FSTL5: variants seen among roughly 807,000 people sequenced by gnomAD.
FSTL5 encodes the protein follistatin like 5.
A neutral mutation model predicts 89.1 loss-of-function variants in FSTL5; 62 were observed. The ratio of observed to expected loss-of-function variants is 0.70; its 90% CI spans 0.57 to 0.86. The LOEUF (loss-of-function observed/expected upper bound fraction) is 0.86, where lower values mean the gene tolerates loss of function less well. Among genes scored for constraint, FSTL5 ranks in the 40% least tolerant of loss-of-function variants. FSTL5 has a pLI of 0.00. For missense variants in FSTL5, 1,057 were observed against 1,001.6 expected (o/e 1.06, Z -0.75); for synonymous variants, 383 against 346.2 (o/e 1.11, Z -1.18).
At chr4:161,410,154 A>G (rs1019358583) in intron 15 of FSTL5, among the ~76,000 whole-genome samples, 5 of 152,222 alleles carry the variant, frequency 3.3e-5, no homozygotes, top group Admixed American at 6.5e-5. Flanking sequence ...CATAATGATA[A>G]AAGGTACAAT....
intron 8 of FSTL5, among the ~76,000 whole-genome samples, chr4:161,584,457 C>T (rs1733539526): frequency 2.0e-5 from 3 of 152,124 alleles, no homozygotes. Context: ...AAATTATCTG[C>T]TTTTAATCTT....
At chr4:162,034,105 A>G (rs6855239) in intron 2 of FSTL5, among the ~76,000 whole-genome samples, 151,854 of 152,192 alleles carry the variant, frequency 1, 75,758 homozygotes, top group Non-Finnish European at 1. Context: ...CCTGCCTTAT[A>G]TAAAGTATTT....
chr4:162,053,437 G>A (rs898707906), intron 2 of FSTL5, among the ~76,000 whole-genome samples: 6 of 151,708 alleles, frequency 4.0e-5, no homozygotes, highest in African/African-American at 1.4e-4. Flanking sequence ...CTAGACTCAT[G>A]CCTCACAAAA....
intron 4 of FSTL5, among the ~76,000 whole-genome samples, chr4:161,893,373 A>G (rs1356916957): frequency 6.6e-6 from 1 of 152,132 alleles, no homozygotes; most frequent in African/African-American, 2.4e-5. Context: ...CACTAGAAAG[A>G]TTGTTTTCAA....
intron 2 of FSTL5, among the ~76,000 whole-genome samples, chr4:162,109,374 C>T (rs956743840): frequency 6.6e-6 from 1 of 152,040 alleles, no homozygotes; most frequent in Non-Finnish European, 1.5e-5. Context: ...CAGACACACA[C>T]ACATTCACCA....
At chr4:162,054,818 C>T (rs927805774) in intron 2 of FSTL5, among the ~76,000 whole-genome samples, 1 of 151,764 alleles carries the variant, frequency 6.6e-6, no homozygotes, top group African/African-American at 2.4e-5. Flanking sequence ...ATACAGTGTA[C>T]CTGTATCCCA....
At chr4:161,696,487 G>A (rs1216449779) in intron 6 of FSTL5, among the ~76,000 whole-genome samples, 1 of 151,918 alleles carries the variant, frequency 6.6e-6, no homozygotes, top group African/African-American at 2.4e-5. Flanking sequence ...TTTCTGTGAA[G>A]AATAATGGGG....
chr4:162,086,844 T>C (rs938572097), intron 2 of FSTL5, among the ~76,000 whole-genome samples: 1 of 152,054 alleles, frequency 6.6e-6, no homozygotes, highest in Admixed American at 6.6e-5. Flanking sequence ...TAATGTTCAA[T>C]AGTTAAGGAA....
At chr4:161,684,675 G>C (rs953007795) in intron 6 of FSTL5, among the ~76,000 whole-genome samples, 19 of 151,946 alleles carry the variant, frequency 1.3e-4, no homozygotes, top group African/African-American at 4.1e-4. Flanking sequence ...GTCCTTTGTA[G>C]GATGCACAGT....
At chr4:161,605,381 T>C (rs10049502) in intron 7 of FSTL5, among the ~76,000 whole-genome samples, 203 of 152,340 alleles carry the variant, frequency 1.3e-3, no homozygotes, top group African/African-American at 4.4e-3. Context: ...CATATAATTT[T>C]ATTTCTAGGC....
chr4:162,047,373 G>A (rs1464232488), intron 2 of FSTL5: 1 of 151,836 alleles, frequency 6.6e-6, no homozygotes, highest in Non-Finnish European at 1.5e-5. Context: ...CTCTTTTAAG[G>A]TGCCCAAAAA....
chr4:161,755,464 A>C (rs1284510731), intron 6 of FSTL5, among the ~76,000 whole-genome samples: 3 of 152,058 alleles, frequency 2.0e-5, no homozygotes, highest in Non-Finnish European at 4.4e-5. Flanking sequence ...GGCAGAGAGA[A>C]AGAACCTGGA....
rs1054454485 is a variant in FSTL5, at chr4:162,131,042, A to T, written c.-16-19630T>A. Among the ~76,000 whole-genome samples the T allele has an allele frequency of 3.3e-5, 5 of 152,206 alleles. No homozygotes were observed. The South Asian group carries it at 1.0e-3, about 31-fold the overall frequency. On this transcript the variant is annotated intron_variant, in intron 1 of 15. Coordinates refer to ENST00000306100, the MANE Select transcript of FSTL5 (RefSeq NM_020116.5). Reference sequence around the variant, plus strand: ...CCAAATACTTATAGCCTATATAAACATGTCATTTGAATTAGAACACAAATT... The same window carrying T: ...CCAAATACTTATAGCCTATATAAACTTGTCATTTGAATTAGAACACAAATT...
intron 8 of FSTL5, among the ~76,000 whole-genome samples, chr4:161,566,099 A>AATATATATATATATATAT (rs1560956518): frequency 4.1e-5 from 1 of 24,652 alleles, no homozygotes; most frequent in African/African-American, 1.3e-4. Flanking sequence ...TTTTTTTTGG[A>AATATATATATATATATAT]CTATATATAT....
intron 3 of FSTL5, among the ~76,000 whole-genome samples, chr4:161,969,633 C>T (rs1735425604): frequency 6.6e-6 from 1 of 151,986 alleles, no homozygotes; most frequent in African/African-American, 2.4e-5. Flanking sequence ...TCCTGTATTC[C>T]ACTGGATATG....
chr4:161,767,600 T>G (rs905870205), intron 5 of FSTL5, among the ~76,000 whole-genome samples: 1 of 152,108 alleles, frequency 6.6e-6, no homozygotes, highest in African/African-American at 2.4e-5. Flanking sequence ...AAGATCTAGA[T>G]AACAAAGATG....
At chr4:162,078,242 G>A (rs1032701739) in intron 2 of FSTL5, among the ~76,000 whole-genome samples, 11 of 151,676 alleles carry the variant, frequency 7.3e-5, no homozygotes, top group East Asian at 1.9e-4. Context: ...ATCAAGTGCC[G>A]CATGTACTGC....
chr4:161,446,938 C>A (rs760066192), intron 15 of FSTL5, among the ~76,000 whole-genome samples: 9 of 151,900 alleles, frequency 5.9e-5, no homozygotes, highest in Non-Finnish European at 1.2e-4. Flanking sequence ...AACCCAGAAT[C>A]ATATGTAAGA....
intron 6 of FSTL5, among the ~76,000 whole-genome samples, chr4:161,688,457 A>C (rs1181234771): frequency 3.3e-5 from 5 of 152,202 alleles, no homozygotes; most frequent in Admixed American, 1.3e-4. Flanking sequence ...AAGGCTTGGC[A>C]TTAGTAGCTA....
Sources: allele counts gnomAD v4.1 joint callset (sites outside exome capture counted in the v4.1 genomes callset), GRCh38; gene constraint gnomAD v4.1.1; transcripts MANE v1.5; gene names NCBI Gene and HGNC (gene_info 2026-07-23, HGNC 2026-07-21).